The following CCDC80 variants were observed in gnomAD, a reference collection of about 807,000 sequenced individuals.
CCDC80 encodes coiled-coil domain-containing protein 80.
CCDC80 carries 49 observed loss-of-function variants against 78.7 expected under a neutral mutation model. That is an observed-to-expected ratio of 0.62 (90% CI 0.50 to 0.79). The LOEUF is 0.79. CCDC80 is among the 30% of genes least tolerant of loss of function. The pLI is 0.00. For missense variants in CCDC80, 1,205 were observed against 1,198.6 expected (o/e 1.01, Z -0.08); for synonymous variants, 488 against 447.0 (o/e 1.09, Z -1.16).
rs760853437 is a variant in CCDC80, at chr3:112,639,942, A to G, written c.-11-26T>C. 44 of 1,576,286 alleles carry G rather than the reference A, an allele frequency of 2.8e-5. 1 individual carries two copies. The South Asian group carries it at 4.8e-4, about 17-fold the overall frequency. ...CTTTGCGATGCACGGAGGTCATAAA[A>G]CAAAGGGGAGGGGGAAAAAAGAAAG... On this transcript the variant is annotated intron_variant, in intron 1 of 7. Coordinates refer to ENST00000206423, the MANE Select transcript of CCDC80 (RefSeq NM_199511.3).
At chr3:112,614,616 C>T (rs1935695167) in intron 5 of CCDC80, among the ~76,000 whole-genome samples, 1 of 151,792 alleles carries the variant, frequency 6.6e-6, no homozygotes, top group East Asian at 1.9e-4. Flanking sequence ...AAGGTGTGTG[C>T]CTTCTGTTTC....
At position 112,625,841 on chromosome 3, in the gene CCDC80, C is replaced by T. The variant is rs570914681; in HGVS notation, c.2035+4272G>A. The stretch of plus-strand genomic sequence containing the variant: ...TGTACACCTTTTTATATAGCTTTGA[C>T]TTTGAAAATTTAAAAAAAGTATTTC... On this transcript the variant is annotated intron_variant, in intron 3 of 7. Coordinates refer to ENST00000206423, the MANE Select transcript of CCDC80 (RefSeq NM_199511.3). Among the ~76,000 whole-genome samples, 162 of 152,042 alleles carry T rather than the reference C, an allele frequency of 1.1e-3. 1 individual carries two copies. Among genetic ancestry groups the T allele is most frequent in the Non-Finnish European group, 1.5e-3 (103 of 67,956 alleles).
chr3:112,631,326 G>A (rs1936094237), intron 2 of CCDC80, among the ~76,000 whole-genome samples: 1 of 152,162 alleles, frequency 6.6e-6, no homozygotes, highest in Non-Finnish European at 1.5e-5. Context: ...TTACCTTGGA[G>A]GTGGGAGGAT....
At chr3:112,609,139 G>T (rs1272408980) in intron 6 of CCDC80, among the ~76,000 whole-genome samples, 1 of 152,012 alleles carries the variant, frequency 6.6e-6, no homozygotes, top group Non-Finnish European at 1.5e-5. Context: ...TTCTGCAGAG[G>T]TATATCTCAT....
intron 3 of CCDC80, among the ~76,000 whole-genome samples, chr3:112,620,316 A>G (rs1226299415): frequency 6.6e-6 from 1 of 152,218 alleles, no homozygotes; most frequent in Non-Finnish European, 1.5e-5. Context: ...CCCCAAAGTC[A>G]TAACAGTGCT....
rs1232607948 is a variant in CCDC80, at chr3:112,600,344, C to A, written c.*5073G>T. The A allele has an allele frequency of 6.6e-6, 1 of 152,294 alleles. No individual in the cohort carries two copies. The highest frequency in any genetic ancestry group is 1.9e-4 in the East Asian group (1 of 5,188). 9.4% of individuals were successfully genotyped at this position (152,294 alleles called of 1,614,324 possible). A position where few individuals can be genotyped will look rare whatever the true frequency, so the allele number is the denominator to read the frequency against. ...TGCATTGCTAACTATTATTTCAATG[C>A]CAGTGGAACTGGAGAAATGCTTGAA... On this transcript the variant is annotated 3_prime_UTR_variant, in exon 8 of 8. Coordinates refer to ENST00000206423, the MANE Select transcript of CCDC80 (RefSeq NM_199511.3).
chr3:112,629,428 G>A (rs1301794846), intron 3 of CCDC80, among the ~76,000 whole-genome samples: 4 of 152,088 alleles, frequency 2.6e-5, no homozygotes, highest in Non-Finnish European at 5.9e-5. Flanking sequence ...CTGACTATGA[G>A]GCTTAACTAA....
At chr3:112,637,859 G>C (rs1936237580) in intron 2 of CCDC80, among the ~76,000 whole-genome samples, 169 bp downstream of exon 2, 1 of 152,128 alleles carries the variant, frequency 6.6e-6, no homozygotes, top group Non-Finnish European at 1.5e-5. Flanking sequence ...AAACCAGAAG[G>C]AGCTACTGGC....
Position 112,639,099 on chromosome 3 carries a change from G to T in CCDC80, c.807C>A (p.Ile269=), listed in dbSNP as rs1035762438. ...EVIDQGPIRR[I]EKIRQKGFVQ... ...CAAAGCCCTTCTGCCTGATCTTCTCGATCCTACGGATGGGGCCTTGGTCGA... is the reference window on the plus strand; with the variant it reads ...CAAAGCCCTTCTGCCTGATCTTCTCTATCCTACGGATGGGGCCTTGGTCGA... Residue 269 remains isoleucine, a synonymous_variant, in exon 2 of 8, where the codon ATC becomes ATA. Transcript: ENST00000206423. The T allele has an allele frequency of 3.1e-6, 5 of 1,613,858 alleles. No individual in the cohort carries two copies. The highest frequency in any genetic ancestry group is 1.7e-5 in the Admixed American group (1 of 60,008).
rs192338466 is a variant in CCDC80 at position 112,601,047 on chromosome 3, G to A, written c.*4370C>T. On this transcript the variant is annotated 3_prime_UTR_variant, in exon 8 of 8. Coordinates refer to ENST00000206423, the MANE Select transcript of CCDC80 (RefSeq NM_199511.3). Reference sequence around the variant, plus strand: ...GAGGAAAGTGCTCCATCAAGGAAGAGGGATGAGATGGGAGCATAATTCACA... The same window carrying A: ...GAGGAAAGTGCTCCATCAAGGAAGAAGGATGAGATGGGAGCATAATTCACA... 1.3e-5 allele frequency: 2 copies of A among 152,314 alleles called. No individual in the cohort carries two copies. Among genetic ancestry groups the A allele is most frequent in the Admixed American group, 1.3e-4 (2 of 15,294 alleles). The allele number at this position is 152,314 out of a possible 1,614,324, so 9.4% of individuals were successfully genotyped here.
chr3:112,625,442 G>A (rs762144327), intron 3 of CCDC80, among the ~76,000 whole-genome samples: 9 of 152,128 alleles, frequency 5.9e-5, no homozygotes, highest in South Asian at 4.1e-4. Flanking sequence ...CAATTTAATC[G>A]TAACCTTGTT....
Position 112,599,761 on chromosome 3 carries a change from C to A in CCDC80, c.*5656G>T, listed in dbSNP as rs1935342926. 1 of 152,206 alleles carries A rather than the reference C, an allele frequency of 6.6e-6. No homozygotes were observed. The highest frequency in any genetic ancestry group is 1.5e-5 in the Non-Finnish European group (1 of 68,052). The allele number at this position is 152,206 out of a possible 1,614,324, so 9.4% of individuals were successfully genotyped here. On this transcript the variant is annotated 3_prime_UTR_variant, in exon 8 of 8. Coordinates refer to ENST00000206423, the MANE Select transcript of CCDC80 (RefSeq NM_199511.3). The stretch of plus-strand genomic sequence containing the variant: ...TGGGACCAGCTGGGTTGCACCCACT[C>A]CCCTGTGTCTGGACCTCCTGCCTAT...
chr3:112,620,876 A>G lies in CCDC80; in HGVS notation c.2036-1772T>C, dbSNP rs185856486. Among the ~76,000 whole-genome samples the G allele has an allele frequency of 1.2e-4, 19 of 152,296 alleles. No homozygotes were observed. In the East Asian group the frequency reaches 3.1e-3, roughly 25 times the overall value. ...CATTCATTCTTGCTTTTGTTCATTC[A>G]ACGAAATATTTATCACTAATGTCCA... On this transcript the variant is annotated intron_variant, in intron 3 of 7. Coordinates refer to ENST00000206423, the MANE Select transcript of CCDC80 (RefSeq NM_199511.3).
At chr3:112,633,491 T>C (rs1936140618) in intron 2 of CCDC80, among the ~76,000 whole-genome samples, 1 of 152,212 alleles carries the variant, frequency 6.6e-6, no homozygotes, top group Non-Finnish European at 1.5e-5. Context: ...CCAGGCAGAA[T>C]GTAAGTTCCT....
chr3:112,633,582 A>G (rs1559881224), intron 2 of CCDC80, among the ~76,000 whole-genome samples: 1 of 152,170 alleles, frequency 6.6e-6, no homozygotes, highest in Non-Finnish European at 1.5e-5. Context: ...CACCCTAGTC[A>G]GAGGAGAGGA....
At position 112,619,120 on chromosome 3, in the gene CCDC80, A is replaced by T; in HGVS notation, c.2036-16T>A. 1 of 1,551,884 alleles carries T rather than the reference A, an allele frequency of 6.4e-7. No individual in the cohort carries two copies. Among genetic ancestry groups the T allele is most frequent in the Non-Finnish European group, 8.7e-7 (1 of 1,152,098 alleles). ...TTCTCATTATCTTAAGGGAAATAAA[A>T]TGTGAATGAATATGGGTGTGGCAAG... On this transcript the variant is annotated splice_polypyrimidine_tract_variant and intron_variant, in intron 3 of 7. Coordinates refer to ENST00000206423, the MANE Select transcript of CCDC80 (RefSeq NM_199511.3).
At chr3:112,629,063 A>G (rs1162478263) in intron 3 of CCDC80, among the ~76,000 whole-genome samples, 1 of 152,208 alleles carries the variant, frequency 6.6e-6, no homozygotes, top group Non-Finnish European at 1.5e-5. Context: ...TTATCGTGAC[A>G]TAATATAACT....
rs1025019996 is a variant in CCDC80 at position 112,604,353 on chromosome 3, C to T, written c.*1064G>A. ...CTGTCTTATTTTAAGAAATTGCCACCATCACCCCCAACCTTCAGTAACCAC... is the reference window on the plus strand; with the variant it reads ...CTGTCTTATTTTAAGAAATTGCCACTATCACCCCCAACCTTCAGTAACCAC... On this transcript the variant is annotated 3_prime_UTR_variant, in exon 8 of 8. Transcript: ENST00000206423. 3.3e-5 allele frequency: 5 copies of T among 152,134 alleles called. No homozygotes were observed. Among genetic ancestry groups the T allele is most frequent in the African/African-American group, 1.2e-4 (5 of 41,432 alleles). 9.4% of individuals were successfully genotyped at this position (152,134 alleles called of 1,614,324 possible). A position where few individuals can be genotyped will look rare whatever the true frequency, so the allele number is the denominator to read the frequency against.
At chr3:112,633,942 T>G (rs548166001) in intron 2 of CCDC80, among the ~76,000 whole-genome samples, 1 of 152,364 alleles carries the variant, frequency 6.6e-6, no homozygotes, top group East Asian at 1.9e-4. Context: ...TCAGGGCATG[T>G]ATCATGAATT....
Sources: gnomAD v4.1 joint callset for allele counts (sites outside exome capture counted in the v4.1 genomes callset) on GRCh38, gnomAD v4.1.1 for gene constraint, MANE v1.5 for transcripts, NCBI Gene and HGNC (gene_info 2026-07-23, HGNC 2026-07-21) for gene names.